SLC41A2: variants seen among roughly 807,000 people sequenced by gnomAD.
SLC41A2 encodes SLC41A1-like 1.
SLC41A2 carries 32 observed loss-of-function variants against 58.3 expected under a neutral mutation model. The ratio of observed to expected loss-of-function variants is 0.55; its 90% confidence interval spans 0.41 to 0.74. SLC41A2 has a LOEUF of 0.74. Among genes scored for constraint, SLC41A2 ranks in the 30% least tolerant of loss-of-function variants. The pLI is 0.00. For missense variants in SLC41A2, 514 were observed against 680.6 expected (o/e 0.76, Z 2.72); for synonymous variants, 190 against 235.0 (o/e 0.81, Z 1.75).
intron 1 of SLC41A2, among the ~76,000 whole-genome samples, chr12:104,946,088 C>A (rs1371200769): frequency 6.6e-6 from 1 of 151,942 alleles, no homozygotes; most frequent in Non-Finnish European, 1.5e-5. Context: ...TTTTGGCGAC[C>A]CTTTCTAGTG....
intron 10 of SLC41A2, among the ~76,000 whole-genome samples, chr12:104,818,362 A>T (rs997249044): frequency 1.3e-5 from 2 of 152,226 alleles, no homozygotes; most frequent in African/African-American, 2.4e-5. Context: ...TAAAAATTTC[A>T]TCCTCTGAAA....
At chr12:104,925,505 C>A (rs534463419) in intron 2 of SLC41A2, among the ~76,000 whole-genome samples, 169 of 152,144 alleles carry the variant, frequency 1.1e-3, no homozygotes, top group Non-Finnish European at 1.2e-3. Flanking sequence ...TTGCAGTGAG[C>A]CGAGATAGCG....
At chr12:104,830,773 A>C (rs1402133298) in intron 10 of SLC41A2, among the ~76,000 whole-genome samples, 1 of 152,222 alleles carries the variant, frequency 6.6e-6, no homozygotes, top group Non-Finnish European at 1.5e-5. Context: ...GGGGGAAAAA[A>C]TGAGCCTGAT....
At chr12:104,862,346 C>G (rs1379656996) in intron 7 of SLC41A2, among the ~76,000 whole-genome samples, 1 of 152,036 alleles carries the variant, frequency 6.6e-6, no homozygotes, top group African/African-American at 2.4e-5. Flanking sequence ...CCAAAATAGT[C>G]CTCTTTAGAA....
chr12:104,845,885 G>T lies in SLC41A2; in HGVS notation c.1345C>A (p.Pro449Thr). 6.2e-7 allele frequency: 1 copy of T among 1,613,824 alleles called. No homozygotes were observed. Among genetic ancestry groups the T allele is most frequent in the Non-Finnish European group, 8.5e-7 (1 of 1,179,842 alleles). Residue 449 changes from proline (P) to threonine (T), a missense_variant, in exon 9 of 11, where the codon CCC becomes ACC. Around this residue, in one of 3 missense-constraint regions of SLC41A2, gnomAD observed 128 missense variants for 146.0 expected, o/e 0.88. Coordinates refer to ENST00000258538, the MANE Select transcript of SLC41A2 (RefSeq NM_001352171.3). ...CTAAATGGGTAGTAACAACCTTTGG[G>T]TTCATCAGGCAATTCTCCTGGAATG... ...HSIPGELPDE[P>T]KGCYYPFRTF...
intron 1 of SLC41A2, among the ~76,000 whole-genome samples, chr12:104,943,008 A>G (rs1428614503): frequency 6.6e-6 from 1 of 152,174 alleles, no homozygotes; most frequent in African/African-American, 2.4e-5. Context: ...ACATTTTTAT[A>G]CTCTCACAGT....
intron 1 of SLC41A2, among the ~76,000 whole-genome samples, chr12:104,950,799 A>G (rs2047923234): frequency 6.6e-6 from 1 of 152,154 alleles, no homozygotes; most frequent in Admixed American, 6.5e-5. Context: ...GGGTCCCCAT[A>G]TTACCCAACT....
At chr12:104,853,861 A>C (rs2042898179) in intron 8 of SLC41A2, among the ~76,000 whole-genome samples, 1 of 147,038 alleles carries the variant, frequency 6.8e-6, no homozygotes, top group South Asian at 2.2e-4. Flanking sequence ...CTCCCACCTC[A>C]GCCTCCCAAG....
At chr12:104,873,488 T>C (rs1413959249) in intron 6 of SLC41A2, among the ~76,000 whole-genome samples, 2 of 152,192 alleles carry the variant, frequency 1.3e-5, no homozygotes, top group Non-Finnish European at 2.9e-5. Flanking sequence ...GCAATGGACA[T>C]GGGAGTGCAA....
chr12:104,816,283 G>A (rs375310990), intron 10 of SLC41A2, among the ~76,000 whole-genome samples: 30 of 152,284 alleles, frequency 2.0e-4, no homozygotes, highest in East Asian at 9.6e-4. Flanking sequence ...ATTTTTAGCA[G>A]CATTATAAAC....
At chr12:104,821,297 A>G (rs1011975902) in intron 10 of SLC41A2, among the ~76,000 whole-genome samples, 2 of 151,956 alleles carry the variant, frequency 1.3e-5, no homozygotes, top group African/African-American at 4.8e-5. Context: ...CCATAATATT[A>G]AAAAAAATTC....
intron 8 of SLC41A2, among the ~76,000 whole-genome samples, chr12:104,856,903 A>T (rs550613639): frequency 8.0e-6 from 1 of 124,292 alleles, no homozygotes; most frequent in South Asian, 2.5e-4. Context: ...ATAATACCAG[A>T]TAAAAACCTG....
chr12:104,927,067 T>G (rs972558723), intron 2 of SLC41A2, among the ~76,000 whole-genome samples: 2 of 151,876 alleles, frequency 1.3e-5, no homozygotes, highest in Non-Finnish European at 2.9e-5. Flanking sequence ...CAAAATAAAA[T>G]AAAATAAAAT....
chr12:104,932,431 C>T (rs987505823), intron 1 of SLC41A2, among the ~76,000 whole-genome samples: 6 of 151,872 alleles, frequency 4.0e-5, no homozygotes, highest in Non-Finnish European at 5.9e-5. Flanking sequence ...TTGGAACCAG[C>T]TTGGGCAACA....
At chr12:104,837,278 G>C (rs556648357) in intron 10 of SLC41A2, among the ~76,000 whole-genome samples, 1 of 152,210 alleles carries the variant, frequency 6.6e-6, no homozygotes, top group East Asian at 1.9e-4. Context: ...TCAGGATTTG[G>C]GGCACCCGTA....
chr12:104,952,025 T>G (rs1192798448), intron 1 of SLC41A2, among the ~76,000 whole-genome samples: 1 of 152,086 alleles, frequency 6.6e-6, no homozygotes, highest in Admixed American at 6.6e-5. Context: ...TTTTATTATC[T>G]CTACTACTGT....
At chr12:104,862,349 C>T (rs1056310475) in intron 7 of SLC41A2, among the ~76,000 whole-genome samples, 2 of 152,108 alleles carry the variant, frequency 1.3e-5, no homozygotes, top group Admixed American at 6.5e-5. Flanking sequence ...AAATAGTCCT[C>T]TTTAGAAATA....
At chr12:104,846,478 T>C (rs574443773) in intron 8 of SLC41A2, among the ~76,000 whole-genome samples, 2 of 152,340 alleles carry the variant, frequency 1.3e-5, no homozygotes, top group African/African-American at 2.4e-5. Flanking sequence ...CAAGGTAAGA[T>C]ATGATACTTA....
chr12:104,894,665 C>T (rs559681993), intron 4 of SLC41A2, among the ~76,000 whole-genome samples: 1 of 152,280 alleles, frequency 6.6e-6, no homozygotes, highest in African/African-American at 2.4e-5. Context: ...CCTAAGCTCA[C>T]ACTAGCTAGA....
Sources: gnomAD v4.1 joint callset for allele counts (sites outside exome capture counted in the v4.1 genomes callset) on GRCh38, gnomAD v4.1.1 for gene constraint, gnomAD v4.1.1 regional missense constraint, MANE v1.5 for transcripts, NCBI Gene and HGNC (gene_info 2026-07-23, HGNC 2026-07-21) for gene names.